Variants in HERPUD2 observed in about 807,000 individuals in gnomAD.
HERPUD2 encodes the protein HERPUD family member 2.
A neutral mutation model predicts 49.9 loss-of-function variants in HERPUD2; 13 were observed. That is an observed-to-expected ratio of 0.26 (90% CI 0.17 to 0.41). The LOEUF (loss-of-function observed/expected upper bound fraction) is 0.41, where lower values mean the gene tolerates loss of function less well. Among genes scored for constraint, HERPUD2 ranks in the 10% least tolerant of loss-of-function variants. The pLI is 1.00. For missense variants in HERPUD2, 449 were observed against 492.2 expected, an observed-to-expected ratio of 0.91 and a Z score of 0.83; for synonymous variants, 172 against 171.4, an observed-to-expected ratio of 1.00 and a Z score of -0.03.
At chr7:35,681,762 A>G (rs376090442) in intron 2 of HERPUD2, among the ~76,000 whole-genome samples, 1 of 152,174 alleles carries the variant, frequency 6.6e-6, no homozygotes, top group South Asian at 2.1e-4. Context: ...TTTTATATGA[A>G]ATGTCTAGAC....
chr7:35,680,463 C>T (rs756053902), intron 2 of HERPUD2, among the ~76,000 whole-genome samples: 3 of 151,990 alleles, frequency 2.0e-5, no homozygotes, highest in Non-Finnish European at 4.4e-5. Flanking sequence ...TAGATCAATC[C>T]TGTCACTCTC....
intron 5 of HERPUD2, among the ~76,000 whole-genome samples, chr7:35,662,335 CT>C (rs1406471256): frequency 1.3e-5 from 2 of 152,182 alleles, no homozygotes; most frequent in East Asian, 1.9e-4. Context: ...CTAAAATTCT[CT>C]TTTTTTGTTG....
At chr7:35,676,236 T>C (rs1445522471) in intron 2 of HERPUD2, among the ~76,000 whole-genome samples, 3 of 152,262 alleles carry the variant, frequency 2.0e-5, no homozygotes, top group East Asian at 3.8e-4. Flanking sequence ...AATTGTCTCG[T>C]AGAACTTTCC....
intron 5 of HERPUD2, among the ~76,000 whole-genome samples, chr7:35,649,795 A>C (rs1785126811): frequency 6.6e-6 from 1 of 152,206 alleles, no homozygotes; most frequent in Non-Finnish European, 1.5e-5. Context: ...TTCAGAGAGA[A>C]TAGATTGTAA....
At chr7:35,657,921 CA>C (rs777981296) in intron 5 of HERPUD2, among the ~76,000 whole-genome samples, 160 of 128,934 alleles carry the variant, frequency 1.2e-3, no homozygotes, top group Middle Eastern at 7.5e-3. Flanking sequence ...GACTCTGTCT[CA>C]AAAAAAAAAA....
At chr7:35,655,042 G>A (rs1414001945) in intron 5 of HERPUD2, among the ~76,000 whole-genome samples, 1 of 152,096 alleles carries the variant, frequency 6.6e-6, no homozygotes, top group Non-Finnish European at 1.5e-5. Flanking sequence ...AGTAGAGACA[G>A]GGTTTCACAA....
intron 5 of HERPUD2, among the ~76,000 whole-genome samples, chr7:35,655,218 G>A (rs1785251248): frequency 6.6e-6 from 1 of 152,152 alleles, no homozygotes; most frequent in Non-Finnish European, 1.5e-5. Context: ...CATTGAAGAG[G>A]AGGGAATTCT....
At chr7:35,658,362 G>A (rs1190764220) in intron 5 of HERPUD2, among the ~76,000 whole-genome samples, 45 of 152,156 alleles carry the variant, frequency 3.0e-4, no homozygotes, top group Admixed American at 2.9e-3. Context: ...GTGATGAAGG[G>A]AAGATGAAAA....
chr7:35,654,727 G>A (rs1202750571), intron 5 of HERPUD2, among the ~76,000 whole-genome samples: 3 of 149,610 alleles, frequency 2.0e-5, no homozygotes, highest in African/African-American at 7.4e-5. Context: ...CCAGGCTGGA[G>A]TGCAGTGGCG....
intron 5 of HERPUD2, among the ~76,000 whole-genome samples, chr7:35,643,926 T>G (rs949318745): frequency 2.6e-5 from 4 of 151,462 alleles, no homozygotes; most frequent in African/African-American, 9.7e-5. Flanking sequence ...TAACTATCCC[T>G]AGTAGGGTAA....
intron 6 of HERPUD2, among the ~76,000 whole-genome samples, chr7:35,637,617 G>C (rs1041000253): frequency 6.6e-6 from 1 of 152,130 alleles, no homozygotes; most frequent in Non-Finnish European, 1.5e-5. Flanking sequence ...TCCACAGAGA[G>C]CTAACAACTA....
At chr7:35,690,923 G>T (rs189448476) in intron 2 of HERPUD2, among the ~76,000 whole-genome samples, 342 of 152,192 alleles carry the variant, frequency 2.2e-3, no homozygotes, top group Middle Eastern at 6.8e-3. Context: ...ATCTTTTCTT[G>T]AAACAGCTAC....
intron 6 of HERPUD2, 147 bp downstream of exon 6, chr7:35,638,203 G>T: frequency 1.6e-6 from 1 of 610,600 alleles, no homozygotes; most frequent in Non-Finnish European, 2.5e-6. Context: ...TAGTTCATGT[G>T]AACTGGAGGT....
rs933096446 is a variant in HERPUD2 at position 35,633,201 on chromosome 7, G to T, written c.*489C>A. The T allele has an allele frequency of 2.6e-5, 4 of 151,822 alleles. No individual in the cohort carries two copies. The highest frequency in any genetic ancestry group is 7.3e-5 in the African/African-American group (3 of 41,254). The allele number at this position is 151,822 out of a possible 1,614,324, so 9.4% of individuals were successfully genotyped here. On this transcript the variant is annotated 3_prime_UTR_variant, in exon 9 of 9. Coordinates refer to ENST00000311350, the MANE Select transcript of HERPUD2 (RefSeq NM_022373.5). ...CCTGCCTGAGCCCCCCAAGTAGCTG[G>T]GATTACAGGCGCGTGACACCACACC...
chr7:35,660,275 C>G (rs1369677256), intron 5 of HERPUD2, among the ~76,000 whole-genome samples: 1 of 152,188 alleles, frequency 6.6e-6, no homozygotes, highest in East Asian at 1.9e-4. Context: ...TCCAGTCTAT[C>G]ATTGATGGAC....
chr7:35,672,047 T>C (rs10260991), intron 3 of HERPUD2, among the ~76,000 whole-genome samples: 100 of 151,972 alleles, frequency 6.6e-4, no homozygotes, highest in African/African-American at 2.2e-3. Context: ...CCAAAACTCA[T>C]AGAAAGTGCA....
At chr7:35,646,439 G>A (rs183294609) in intron 5 of HERPUD2, among the ~76,000 whole-genome samples, 11 of 152,120 alleles carry the variant, frequency 7.2e-5, no homozygotes, top group Non-Finnish European at 1.5e-4. Flanking sequence ...GCACATGTCT[G>A]AAGTCCCAGC....
intron 5 of HERPUD2, among the ~76,000 whole-genome samples, chr7:35,657,557 T>C (rs778164724): frequency 7.3e-6 from 1 of 137,922 alleles, no homozygotes; most frequent in Non-Finnish European, 1.5e-5. Context: ...AGGAGTATGA[T>C]CATGCTGCTG....
At chr7:35,650,282 G>A (rs1330369850) in intron 5 of HERPUD2, among the ~76,000 whole-genome samples, 1 of 151,584 alleles carries the variant, frequency 6.6e-6, no homozygotes, top group Non-Finnish European at 1.5e-5. Flanking sequence ...TGCACTGGAT[G>A]GGCTGGGAGC....
Sources: allele counts gnomAD v4.1 joint callset (sites outside exome capture counted in the v4.1 genomes callset), GRCh38; gene constraint gnomAD v4.1.1; transcripts MANE v1.5; gene names NCBI Gene and HGNC (gene_info 2026-07-23, HGNC 2026-07-21).